The following MDGA2 variants were observed in gnomAD, a reference collection of about 807,000 sequenced individuals.
The protein encoded by MDGA2 is MAM domain containing glycosylphosphatidylinositol anchor 2, also known as MAM domain-containing glycosylphosphatidylinositol anchor protein 2.
In MDGA2, 40 loss-of-function variants were observed where a neutral mutation model predicts 117.8. The ratio of observed to expected loss-of-function variants is 0.34; its 90% CI spans 0.26 to 0.44. The LOEUF (loss-of-function observed/expected upper bound fraction) is 0.44, where lower values mean the gene tolerates loss of function less well. MDGA2 is among the 20% of genes least tolerant of loss of function. The pLI, the probability that MDGA2 is intolerant of heterozygous loss-of-function variation, is 1.00. For synonymous variants in MDGA2, 452 were observed against 439.0 expected (o/e 1.03, Z -0.37); for missense variants, 1,123 against 1,250.6 (o/e 0.90, Z 1.54).
chr14:47,370,475 T>C (rs527954872), intron 1 of MDGA2, among the ~76,000 whole-genome samples: 8 of 52,668 alleles, frequency 1.5e-4, no homozygotes, highest in African/African-American at 6.6e-4. Flanking sequence ...ACTGTTTTTT[T>C]TTTTTTTTTT....
chr14:47,012,232 C>T (rs938902715), intron 8 of MDGA2, among the ~76,000 whole-genome samples: 1 of 152,066 alleles, frequency 6.6e-6, no homozygotes, highest in Non-Finnish European at 1.5e-5. Context: ...TACTTGTTTG[C>T]ATAAAATGAT....
At chr14:47,129,827 T>A (rs1440151949) in intron 5 of MDGA2, among the ~76,000 whole-genome samples, 3 of 148,248 alleles carry the variant, frequency 2.0e-5, no homozygotes, top group Non-Finnish European at 4.5e-5. Context: ...TTGATTTGCA[T>A]TTCTCTGATG....
At chr14:46,932,789 T>A (rs1884628805) in intron 9 of MDGA2, among the ~76,000 whole-genome samples, 2 of 151,912 alleles carry the variant, frequency 1.3e-5, no homozygotes, top group South Asian at 4.1e-4. Flanking sequence ...AGTAATTACT[T>A]CATCCTTACA....
At chr14:46,972,426 A>C (rs1566553415) in intron 8 of MDGA2, among the ~76,000 whole-genome samples, 2 of 152,190 alleles carry the variant, frequency 1.3e-5, no homozygotes, top group Admixed American at 1.3e-4. Flanking sequence ...ATAGAAGAAA[A>C]AAGGATTGAG....
At position 47,140,352 on chromosome 14, in the gene MDGA2, C is replaced by T. The variant is rs190759989; in HGVS notation, c.792+3726G>A. On this transcript the variant is annotated intron_variant, in intron 4 of 16. Transcript: ENST00000399232. ...ACACAATCCAAAATTTCTATGAAAC[C>T]ACAAAAGATCCCAAACAGCCAAAGC... is the stretch of plus-strand genomic sequence containing the variant. Among the ~76,000 whole-genome samples, 428 of 152,040 alleles carry T rather than the reference C, an allele frequency of 2.8e-3. 1 individual carries two copies. Among genetic ancestry groups the T allele is most frequent in the Middle Eastern group, 0.014 (4 of 292 alleles).
At chr14:47,547,594 C>G (rs958914570) in intron 1 of MDGA2, among the ~76,000 whole-genome samples, 38 of 152,150 alleles carry the variant, frequency 2.5e-4, no homozygotes, top group Non-Finnish European at 5.0e-4. Context: ...AGAGAAATAG[C>G]ATTTTTCACA....
intron 1 of MDGA2, among the ~76,000 whole-genome samples, chr14:47,377,761 G>C (rs554502959): frequency 6.6e-6 from 1 of 152,140 alleles, no homozygotes; most frequent in African/African-American, 2.4e-5. Context: ...AGGTATGCCC[G>C]CCTCTGTAGA....
chr14:47,058,844 C>A, intron 7 of MDGA2: 1 of 985,732 alleles, frequency 1.0e-6, no homozygotes, highest in Non-Finnish European at 1.2e-6. Context: ...GGCCATCTAG[C>A]CTCAAGAGCC....
At chr14:47,025,215 T>C (rs1464551567) in intron 8 of MDGA2, among the ~76,000 whole-genome samples, 4 of 152,164 alleles carry the variant, frequency 2.6e-5, no homozygotes, top group Non-Finnish European at 4.4e-5. Flanking sequence ...GTACAAGAAT[T>C]TGACCTTCTT....
At chr14:46,869,545 T>C (rs559960364) in intron 14 of MDGA2, among the ~76,000 whole-genome samples, 3 of 152,052 alleles carry the variant, frequency 2.0e-5, no homozygotes, top group Middle Eastern at 3.4e-3. Context: ...CATGTTTTTT[T>C]CTTCAATCAA....
Position 47,035,046 on chromosome 14 carries a change from T to G in MDGA2, c.1784A>C (p.Lys595Thr), listed in dbSNP as rs1345552849. Residue 595 changes from lysine (K) to threonine (T), a missense_variant, in exon 8 of 17, where the codon AAA (lysine) becomes ACA (threonine). Transcript: ENST00000399232. ...QTSQYNGFNVKPREALVQLIV... is the reference protein window; with the variant it reads ...QTSQYNGFNVTPREALVQLIV... ...GAGCTGCACCAAGGCTTCCCTTGGT[T>G]TCACGTTAAATCCATTGTATTGGCT... is the stretch of plus-strand genomic sequence containing the variant. The G allele has an allele frequency of 6.2e-7, 1 of 1,614,062 alleles. No individual in the cohort carries two copies.
Position 46,984,704 on chromosome 14 carries a change from T to G in MDGA2, c.1820-27061A>C, listed in dbSNP as rs78788409. ...TGTTCTGGTAATCATATCAAAGTAC[T>G]GATAGATGAATAGTTAGTTGGAATT... On this transcript the variant is annotated intron_variant, in intron 8 of 16. Transcript: ENST00000399232. Among the ~76,000 whole-genome samples the G allele has an allele frequency of 3.0e-4, 46 of 152,154 alleles. No homozygotes were observed. The East Asian group carries it at 8.5e-3, about 28-fold the overall frequency.
chr14:47,079,727 A>ATTTTTTTTTTTTTTTTTTTTTTTTTTTTT lies in MDGA2; in HGVS notation c.1195+17126_1195+17127insAAAAAAAAAAAAAAAAAAAAAAAAAAAAA, dbSNP rs35801678. On this transcript the variant is annotated intron_variant, in intron 6 of 16. Coordinates refer to ENST00000399232, the MANE Select transcript of MDGA2 (RefSeq NM_001113498.3). ...ATTTGTTTCAGCCGATTTTCTACTA[A>ATTTTTTTTTTTTTTTTTTTTTTTTTTTTT]TTTTTTTTTTTTTTTTTTTTTTGAG... Among the ~76,000 whole-genome samples the ATTTTTTTTTTTTTTTTTTTTTTTTTTTTT allele has an allele frequency of 1.1e-4, 9 of 80,072 alleles. 1 individual carries two copies. The highest frequency in any genetic ancestry group is 4.6e-4 in the African/African-American group (8 of 17,520). 52.5% of individuals were successfully genotyped at this position (80,072 alleles called of 152,430 possible). A position where few individuals can be genotyped will look rare whatever the true frequency, so the allele number is the denominator to read the frequency against.
rs1889870580 is a variant in MDGA2, at chr14:47,061,251, G to A, written c.1523C>T (p.Thr508Ile). Residue 508 changes from threonine (T) to isoleucine (I), a missense_variant and splice_region_variant, in exon 7 of 17, where the codon ACA becomes ATA. By Grantham distance (89) the Thr-to-Ile change is moderately conservative. Coordinates refer to ENST00000399232, the MANE Select transcript of MDGA2 (RefSeq NM_001113498.3). ...ISIDVNISSS[T>I]VPPNLTVPQE... The stretch of plus-strand genomic sequence containing the variant: ...CATCATAAATATATGCCTCTTACCT[G>A]TGCTGCTGGATATATTAACATCGAT... The A allele has an allele frequency of 6.2e-7, 1 of 1,610,716 alleles. No homozygotes were observed. The highest frequency in any genetic ancestry group is 1.3e-5 in the African/African-American group (1 of 74,802).
chr14:47,218,330 T>A lies in MDGA2; in HGVS notation c.421-135A>T, dbSNP rs536584208. The A allele has an allele frequency of 2.8e-4, 216 of 766,710 alleles. No homozygotes were observed. In the African/African-American group the frequency reaches 3.4e-3, roughly 12 times the overall value. The allele number at this position is 766,710 out of a possible 1,614,324, so 47.5% of individuals were successfully genotyped here. ...TCCCATCAAATTATTGAAGAAAAAA[T>A]TAATGTTTACAGACACGATTGAATT... is the stretch of plus-strand genomic sequence containing the variant. On this transcript the variant is annotated intron_variant, in intron 2 of 16. Transcript: ENST00000399232.
chr14:47,384,802 G>T, intron 1 of MDGA2, among the ~76,000 whole-genome samples: 1 of 152,146 alleles, frequency 6.6e-6, no homozygotes, highest in East Asian at 1.9e-4. Flanking sequence ...ACAAATGAGG[G>T]TGTTAAGCCC....
intron 5 of MDGA2, among the ~76,000 whole-genome samples, chr14:47,130,907 T>C (rs1336050897): frequency 6.6e-6 from 1 of 152,156 alleles, no homozygotes; most frequent in African/African-American, 2.4e-5. Context: ...AAAACTTATA[T>C]ACCTAATGTA....
At chr14:47,323,638 C>A (rs543316566) in intron 1 of MDGA2, among the ~76,000 whole-genome samples, 25 of 151,604 alleles carry the variant, frequency 1.6e-4, no homozygotes, top group African/African-American at 6.0e-4. Flanking sequence ...TCTCAAAAAA[C>A]AAAACAAAAC....
intron 1 of MDGA2, among the ~76,000 whole-genome samples, chr14:47,652,281 G>A (rs182110905): frequency 2.9e-4 from 44 of 152,210 alleles, no homozygotes; most frequent in African/African-American, 1.1e-3. Context: ...GAATAAAGAA[G>A]GTTATTTACA....
Sources: allele counts gnomAD v4.1 joint callset (sites outside exome capture counted in the v4.1 genomes callset), GRCh38; gene constraint gnomAD v4.1.1; transcripts MANE v1.5; gene names NCBI Gene and HGNC (gene_info 2026-07-23, HGNC 2026-07-21).